Variants in IGSF10 observed in about 807,000 individuals in gnomAD.
IGSF10 encodes the protein immunoglobulin superfamily member 10.
A neutral mutation model predicts 128.2 loss-of-function variants in IGSF10; 126 were observed. The observed-to-expected ratio is 0.98, with a 90% CI of 0.85 to 1.14. The LOEUF (loss-of-function observed/expected upper bound fraction) is 1.14. Ranked by LOEUF, IGSF10 falls within the 50% of genes most tolerant of loss-of-function variation. The pLI, the probability that IGSF10 is intolerant of heterozygous loss-of-function variation, is 0.00. For missense variants in IGSF10, 3,295 were observed against 3,149.8 expected (o/e 1.05, Z -1.10); for synonymous variants, 1,185 against 1,146.2 (o/e 1.03, Z -0.68).
At chr3:151,565,236 A>C in the IGSF10 span, among the ~76,000 whole-genome samples, 4 of 152,222 alleles carry the variant, frequency 2.6e-5, no homozygotes, top group Non-Finnish European at 5.9e-5. Context: ...TTTAAGCAGT[A>C]CTTCACTGGG....
At chr3:151,438,758 TAC>T (rs1163571278) in intron 7 of IGSF10, among the ~76,000 whole-genome samples, 161 bp from the exon 8 acceptor site, 1 of 151,788 alleles carries the variant, frequency 6.6e-6, no homozygotes, top group Non-Finnish European at 1.5e-5. Context: ...GAGATATATA[TAC>T]ATTTTGAGGT....
the IGSF10 span, among the ~76,000 whole-genome samples, chr3:151,568,184 T>A: frequency 6.6e-6 from 1 of 152,126 alleles, no homozygotes; most frequent in Non-Finnish European, 1.5e-5. Context: ...AAAGTACTTT[T>A]TCCTCTTTAA....
chr3:151,569,833 A>G, the IGSF10 span, among the ~76,000 whole-genome samples: 1 of 152,126 alleles, frequency 6.6e-6, no homozygotes, highest in Non-Finnish European at 1.5e-5. Flanking sequence ...TGCTGCACCC[A>G]TTAACTCATC....
At chr3:151,575,117 C>T in the IGSF10 span, among the ~76,000 whole-genome samples, 1 of 152,160 alleles carries the variant, frequency 6.6e-6, no homozygotes, top group African/African-American at 2.4e-5. Context: ...GAAGCTTTGT[C>T]TCAGAGGGGC....
At chr3:151,441,367 A>C (rs1720837679) in intron 7 of IGSF10, among the ~76,000 whole-genome samples, 1 of 152,234 alleles carries the variant, frequency 6.6e-6, no homozygotes, top group South Asian at 2.1e-4. Context: ...CAAAACTCAC[A>C]TTTCATAACT....
the IGSF10 span, among the ~76,000 whole-genome samples, chr3:151,524,504 A>T: frequency 2.0e-5 from 3 of 152,196 alleles, no homozygotes; most frequent in Non-Finnish European, 2.9e-5. Context: ...GGAGGCTATC[A>T]TCCTAAGCAA....
chr3:151,507,163 T>C, the IGSF10 span, among the ~76,000 whole-genome samples: 6 of 152,270 alleles, frequency 3.9e-5, no homozygotes, highest in Admixed American at 1.3e-4. Context: ...TTTATTCCTC[T>C]GCTTTCCCTG....
Position 151,446,391 on chromosome 3 carries a change from C to T in IGSF10, c.3590G>A (p.Arg1197Lys), listed in dbSNP as rs755831750. 44 of 1,613,178 alleles carry T rather than the reference C, an allele frequency of 2.7e-5. No individual in the cohort carries two copies. The highest frequency in any genetic ancestry group is 6.7e-5 in the Admixed American group (4 of 59,954). ...KPPMTIIAIT[R>K]FSRRKIPWQQ... is the part of the protein sequence containing the mutation. ...CCAGGGAATTTTCCTTCTTGAAAAC[C>T]TTGTAATGGCTATAATAGTCATTGG... The change falls in exon 6 of 8, where the codon AGG (arginine) becomes AAG (lysine). Residue 1197 changes from arginine (R) to lysine (K), a missense_variant. By Grantham distance (26) the Arg-to-Lys change is conservative. Transcript: ENST00000282466.
At chr3:151,464,521 C>T (rs1409126565), upstream of IGSF10, among the ~76,000 whole-genome samples, 1 of 152,054 alleles carries the variant, frequency 6.6e-6, no homozygotes, top group Non-Finnish European at 1.5e-5. Context: ...TATTTAACAC[C>T]AATCAACCAA....
At chr3:151,588,213 C>T in the IGSF10 span, among the ~76,000 whole-genome samples, 1 of 152,076 alleles carries the variant, frequency 6.6e-6, no homozygotes, top group Non-Finnish European at 1.5e-5. Context: ...ATGAAAAGGA[C>T]CTTATCTGAG....
the IGSF10 span, among the ~76,000 whole-genome samples, chr3:151,592,310 C>T: frequency 6.6e-6 from 1 of 151,904 alleles, no homozygotes; most frequent in Non-Finnish European, 1.5e-5. Context: ...TTTCACCTTA[C>T]TTATAAGCTA....
chr3:151,441,265 A>C (rs1214614340), intron 7 of IGSF10, among the ~76,000 whole-genome samples: 1 of 152,198 alleles, frequency 6.6e-6, no homozygotes, highest in Non-Finnish European at 1.5e-5. Context: ...TGAGAGAGAT[A>C]ATTTACTTTT....
chr3:151,606,872 T>C, the IGSF10 span, among the ~76,000 whole-genome samples: 1 of 152,214 alleles, frequency 6.6e-6, no homozygotes, highest in Non-Finnish European at 1.5e-5. Flanking sequence ...CTTTTTGTAC[T>C]CTAAAAGCAC....
chr3:151,446,171 A>G lies in IGSF10; in HGVS notation c.3810T>C (p.Ala1270=). 6.2e-7 allele frequency: 1 copy of G among 1,614,086 alleles called. No individual in the cohort carries two copies. Among genetic ancestry groups the G allele is most frequent in the South Asian group, 1.1e-5 (1 of 91,042 alleles). The part of the protein sequence containing the change: ...MQIPSNTLTT[A]HHTTTKTHNP... ...TGTGTGTTTTGGTCGTAGTGTGGTG[A>G]GCGGTAGTCAAGGTATTAGATGGAA... Residue 1270 remains alanine, a synonymous_variant, in exon 6 of 8, where the codon GCT becomes GCC. Transcript: ENST00000282466.
Position 151,443,691 on chromosome 3 carries a change from G to C in IGSF10, c.5256C>G (p.Thr1752=). The change falls in exon 7 of 8, where the codon ACC becomes ACG. Residue 1752 remains threonine (T), a synonymous_variant. Coordinates refer to ENST00000282466, the MANE Select transcript of IGSF10 (RefSeq NM_178822.5). The stretch of plus-strand genomic sequence containing the variant: ...TTCCGGAATGAACTGTGATCTCTTT[G>C]GTACGTCTCTCCAGGATCCTGGGAG... ...SYPPRILERR[T]KEITVHSGST... is the part of the protein sequence containing the mutation. The C allele has an allele frequency of 9.3e-6, 15 of 1,614,134 alleles. No homozygotes were observed. The highest frequency in any genetic ancestry group is 1.3e-5 in the Non-Finnish European group (15 of 1,180,024).
Position 151,445,647 on chromosome 3 carries a change from T to C in IGSF10, c.4334A>G (p.Lys1445Arg), listed in dbSNP as rs1721141587. The change falls in exon 6 of 8, where the codon AAA (lysine) becomes AGA (arginine). Residue 1445 changes from lysine (K) to arginine (R), a missense_variant. Physicochemically the swap from Lys to Arg is conservative, Grantham distance 26 (BLOSUM62 2). Transcript: ENST00000282466. ...CCTAGTTGTGGTACTCTGGTGTGAT[T>C]TGCTGGACAAAGTTGTTTCAGAAGC... The part of the protein sequence containing the change: ...TIASETTLSS[K>R]SHQSTTTRKA... 1 of 1,614,200 alleles carries C rather than the reference T, an allele frequency of 6.2e-7. No homozygotes were observed. The highest frequency in any genetic ancestry group is 8.5e-7 in the Non-Finnish European group (1 of 1,180,042).
the IGSF10 span, among the ~76,000 whole-genome samples, chr3:151,578,641 TAAAG>T: frequency 2.1e-4 from 32 of 152,156 alleles, no homozygotes; most frequent in Non-Finnish European, 7.3e-5. Flanking sequence ...CAATGGGAGA[TAAAG>T]AAAGCCCTGC....
At chr3:151,512,026 C>T in the IGSF10 span, among the ~76,000 whole-genome samples, 1 of 152,176 alleles carries the variant, frequency 6.6e-6, no homozygotes, top group Non-Finnish European at 1.5e-5. Flanking sequence ...GAGACTTTAA[C>T]ACCCCACTGT....
chr3:151,557,244 C>G, the IGSF10 span, among the ~76,000 whole-genome samples: 1 of 152,264 alleles, frequency 6.6e-6, no homozygotes, highest in East Asian at 1.9e-4. Flanking sequence ...CACCCTTCCT[C>G]TTCATAGGAG....
Sources: gnomAD v4.1 joint callset for allele counts (sites outside exome capture counted in the v4.1 genomes callset) on GRCh38, gnomAD v4.1.1 for gene constraint, MANE v1.5 for transcripts, NCBI Gene and HGNC (gene_info 2026-07-23, HGNC 2026-07-21) for gene names.